Variants in MPDZ observed in about 807,000 individuals in gnomAD.
MPDZ encodes multiple PDZ domain crumbs cell polarity complex component.
MPDZ carries 234 observed loss-of-function variants against 239.1 expected under a neutral mutation model. The ratio of observed to expected loss-of-function variants is 0.98; its 90% CI spans 0.88 to 1.09. The LOEUF (loss-of-function observed/expected upper bound fraction) is 1.09, where lower values mean the gene tolerates loss of function less well. MPDZ is among the 50% of genes least tolerant of loss of function. MPDZ has a pLI of 0.00. For missense variants in MPDZ, 3,175 were observed against 2,510.0 expected (o/e 1.26, Z -5.66); for synonymous variants, 1,048 against 881.3 (o/e 1.19, Z -3.35).
intron 21 of MPDZ, among the ~76,000 whole-genome samples, chr9:13,172,327 G>C (rs1361162840): frequency 1.3e-5 from 2 of 151,698 alleles, no homozygotes; most frequent in Admixed American, 1.3e-4. Flanking sequence ...TTATATTACA[G>C]TGTGAATGGT....
At chr9:13,150,358 A>C (rs2133024124) in intron 25 of MPDZ, among the ~76,000 whole-genome samples, 153 bp downstream of exon 25, 1 of 152,202 alleles carries the variant, frequency 6.6e-6, no homozygotes, top group East Asian at 1.9e-4. Flanking sequence ...AACTAGTATG[A>C]AGATGACAAT....
In MPDZ at chr9:13,122,119, C is replaced by T; in HGVS notation, c.5005G>A (p.Gly1669Arg). 1 of 1,614,022 alleles carries T rather than the reference C, an allele frequency of 6.2e-7. No individual in the cohort carries two copies. The highest frequency in any genetic ancestry group is 8.5e-7 in the Non-Finnish European group (1 of 1,179,936). Residue 1669 changes from glycine (G) to arginine (R), a missense_variant, in exon 37 of 47, where the codon GGA becomes AGA. Transcript: ENST00000319217. ...VYEEGAACKD[G>R]RLWAGDQILE... ...ATCTGATCTCCAGCCCAGAGTCTTC[C>T]ATCTTTACATGCTGCTCCTTCTTCA...
rs145889448 is a variant in MPDZ at position 13,212,791 on chromosome 9, TAAAAAAAAAAAA to T, written c.1290+3971_1290+3982del. On this transcript the variant is annotated intron_variant, in intron 10 of 46. Transcript: ENST00000319217. ...AGTTCAAGACCACCTGGTCAAGGTT[TAAAAAAAAAAAA>T]AAAAAAAAAAAGAAGAGAGCCAACA... Among the ~76,000 whole-genome samples, 6 of 110,590 alleles carry T rather than the reference TAAAAAAAAAAAA, an allele frequency of 5.4e-5. No homozygotes were observed. In the East Asian group the frequency reaches 8.2e-4, roughly 15 times the overall value. The allele number at this position is 110,590 out of a possible 152,430, so 72.6% of individuals were successfully genotyped here. A position where few individuals can be genotyped will look rare whatever the true frequency, so the allele number is the denominator to read the frequency against.
At chr9:13,132,308 G>T (rs961579184) in intron 32 of MPDZ, among the ~76,000 whole-genome samples, 15 of 152,212 alleles carry the variant, frequency 9.9e-5, no homozygotes, top group Non-Finnish European at 4.4e-5. Flanking sequence ...AGACGAAAGT[G>T]AGGACCAATG....
intron 1 of MPDZ, among the ~76,000 whole-genome samples, chr9:13,258,231 T>A (rs777851587): frequency 2.6e-5 from 4 of 152,220 alleles, no homozygotes; most frequent in Admixed American, 6.5e-5. Flanking sequence ...GTTTGAAACA[T>A]AACACAAACC....
chr9:13,215,335 AT>A (rs1358609603), intron 10 of MPDZ, among the ~76,000 whole-genome samples: 4 of 151,636 alleles, frequency 2.6e-5, no homozygotes, highest in Non-Finnish European at 5.9e-5. Flanking sequence ...GGATATATAT[AT>A]ATCACATTTT....
intron 24 of MPDZ, among the ~76,000 whole-genome samples, chr9:13,154,376 A>G (rs1357818631): frequency 6.6e-6 from 1 of 152,166 alleles, no homozygotes. Context: ...TAGGTTTAAA[A>G]AGAATGAAAT....
chr9:13,260,863 T>A (rs1455278028), intron 1 of MPDZ, among the ~76,000 whole-genome samples: 1 of 152,274 alleles, frequency 6.6e-6, no homozygotes, highest in African/African-American at 2.4e-5. Context: ...GGTTTACACC[T>A]TTCTAAACAA....
chr9:13,113,175 G>T (rs1040832328), intron 41 of MPDZ, 121 bp from the exon 42 acceptor site: 2 of 747,840 alleles, frequency 2.7e-6, no homozygotes, highest in African/African-American at 1.8e-5. Flanking sequence ...TTAAGGGGGT[G>T]CTCAAAGCTG....
Position 13,217,160 on chromosome 9 carries a change from T to C in MPDZ, c.1201+20A>G, listed in dbSNP as rs751856018. Reference sequence around the variant, plus strand: ...GAGGTAATTGTCAAGTTTAAAAGAATACTTAATGTTTAAAATTACCCAATT... The same window carrying C: ...GAGGTAATTGTCAAGTTTAAAAGAACACTTAATGTTTAAAATTACCCAATT... On this transcript the variant is annotated intron_variant, in intron 9 of 46. Transcript: ENST00000319217. The C allele has an allele frequency of 7.1e-7, 1 of 1,404,310 alleles. No individual in the cohort carries two copies. The allele number at this position is 1,404,310 out of a possible 1,614,324, so 87.0% of individuals were successfully genotyped here.
intron 3 of MPDZ, among the ~76,000 whole-genome samples, chr9:13,231,708 T>C (rs1016404725): frequency 3.8e-4 from 7 of 18,506 alleles, no homozygotes; most frequent in African/African-American, 7.5e-4. Context: ...AACATCAATT[T>C]TTTGTGACAA....
intron 1 of MPDZ, among the ~76,000 whole-genome samples, chr9:13,270,210 C>T (rs977857729): frequency 1.2e-4 from 19 of 152,168 alleles, no homozygotes; most frequent in Admixed American, 9.2e-4. Context: ...CTTTTACTTT[C>T]GTAATAATCC....
chr9:13,117,739 GTT>G (rs1291688359), intron 39 of MPDZ, among the ~76,000 whole-genome samples: 1 of 151,538 alleles, frequency 6.6e-6, no homozygotes, highest in African/African-American at 2.4e-5. Context: ...TTACATAAGA[GTT>G]TTAAATGAAC....
chr9:13,249,410 G>C (rs972725791), intron 2 of MPDZ, among the ~76,000 whole-genome samples: 15 of 152,036 alleles, frequency 9.9e-5, no homozygotes, highest in African/African-American at 3.6e-4. Context: ...TACAGCATGT[G>C]GGTTTAGTAT....
chr9:13,216,483 A>G (rs751143126), intron 10 of MPDZ, among the ~76,000 whole-genome samples: 18 of 151,876 alleles, frequency 1.2e-4, no homozygotes, highest in South Asian at 4.1e-4. Context: ...CAAGGAACGT[A>G]TAAGTGTAAT....
At chr9:13,264,534 T>C (rs1339845584) in intron 1 of MPDZ, among the ~76,000 whole-genome samples, 1 of 152,232 alleles carries the variant, frequency 6.6e-6, no homozygotes, top group East Asian at 1.9e-4. Flanking sequence ...CCTGGACTGC[T>C]GGACTAACTC....
At position 13,125,312 on chromosome 9, in the gene MPDZ, G is replaced by C; in HGVS notation, c.4711C>G (p.Pro1571Ala). The C allele has an allele frequency of 6.2e-7, 1 of 1,613,882 alleles. No homozygotes were observed. Among genetic ancestry groups the C allele is most frequent in the Non-Finnish European group, 8.5e-7 (1 of 1,179,760 alleles). The change falls in exon 35 of 47, where the codon CCT becomes GCT. Residue 1571 changes from proline to alanine, a missense_variant. Transcript: ENST00000319217. ...CCACTGGCTGCACCAGCTGCTGAAG[G>C]AACAGCCTGGGAATCTGGATTCTCA... Reference protein sequence around the residue: ...HAENPDSQAVPSAAGAASGEK... With the variant: ...HAENPDSQAVASAAGAASGEK...
intron 3 of MPDZ, among the ~76,000 whole-genome samples, chr9:13,237,074 T>C (rs1470145947): frequency 1.3e-5 from 2 of 152,158 alleles, no homozygotes; most frequent in African/African-American, 4.8e-5. Flanking sequence ...TTACAAATTC[T>C]TGATACAGTA....
Position 13,267,297 on chromosome 9 carries a change from CCT to C in MPDZ, c.-58+12101_-58+12102del, listed in dbSNP as rs531263135. Among the ~76,000 whole-genome samples, 197 of 152,224 alleles carry C rather than the reference CCT, an allele frequency of 1.3e-3. 1 individual carries two copies. The highest frequency in any genetic ancestry group is 4.5e-3 in the African/African-American group (186 of 41,536). On this transcript the variant is annotated intron_variant, in intron 1 of 46. Transcript: ENST00000319217. ...TTGTTTATAATAGCTTCCAAATATC[CCT>C]GTTTTCTTAAACAAAACCTATGTCC...
Sources: allele counts gnomAD v4.1 joint callset (sites outside exome capture counted in the v4.1 genomes callset), GRCh38; gene constraint gnomAD v4.1.1; transcripts MANE v1.5; gene names NCBI Gene and HGNC (gene_info 2026-07-23, HGNC 2026-07-21).